Variants in FAF2 observed in about 807,000 individuals in gnomAD.
The protein encoded by FAF2 is FAS-associated factor 2.
FAF2 carries 9 observed loss-of-function variants against 62.3 expected under a neutral mutation model. The ratio of observed to expected loss-of-function variants is 0.14; its 90% CI spans 0.09 to 0.25. The LOEUF (loss-of-function observed/expected upper bound fraction) is 0.25. Ranked by LOEUF, FAF2 falls within the 10% of genes least tolerant of loss-of-function variation. The pLI is 1.00. For synonymous variants in FAF2, 202 were observed against 198.0 expected, an observed-to-expected ratio of 1.02 and a Z score of -0.17; for missense variants, 368 against 556.2, an observed-to-expected ratio of 0.66 and a Z score of 3.40.
rs115052015 is a variant in FAF2 at position 176,466,775 on chromosome 5, C to T, written c.64-12413C>T. On this transcript the variant is annotated intron_variant, in intron 1 of 10. Coordinates refer to ENST00000261942, the MANE Select transcript of FAF2 (RefSeq NM_014613.3). ...AGTAGTTCACACACTTCTGCAATCT[C>T]CCGTATACATTTTACAAGATGTTTG... Among the ~76,000 whole-genome samples the T allele has an allele frequency of 6.5e-4, 97 of 148,744 alleles. 1 individual carries two copies. Among genetic ancestry groups the T allele is most frequent in the African/African-American group, 2.5e-3 (95 of 38,234 alleles).
At chr5:176,480,830 G>A (rs1429759434) in intron 2 of FAF2, among the ~76,000 whole-genome samples, 27 of 151,600 alleles carry the variant, frequency 1.8e-4, no homozygotes, top group African/African-American at 2.4e-5. Flanking sequence ...CTAGGGGAGG[G>A]ATAGCATTAG....
At position 176,509,885 on chromosome 5, in the gene FAF2, G is replaced by T. The variant is rs930480619; in HGVS notation, c.*2935G>T. On this transcript the variant is annotated 3_prime_UTR_variant, in exon 11 of 11. Coordinates refer to ENST00000261942, the MANE Select transcript of FAF2 (RefSeq NM_014613.3). ...AACAAGGAGCTCCGCTCTACAACTG[G>T]TTTTTTTAGGACTTGTGAGGAACAC... 4 of 152,556 alleles carry T rather than the reference G, an allele frequency of 2.6e-5. No individual in the cohort carries two copies. The highest frequency in any genetic ancestry group is 4.4e-5 in the Non-Finnish European group (3 of 68,024). The allele number at this position is 152,556 out of a possible 1,614,324, so 9.5% of individuals were successfully genotyped here.
chr5:176,448,534 T>A (rs1474755195), intron 1 of FAF2, 64 bp downstream of exon 1: 1 of 1,468,950 alleles, frequency 6.8e-7, no homozygotes, highest in African/African-American at 1.4e-5. Context: ...CCTAGAGGAG[T>A]TCAGAACCCT....
intron 7 of FAF2, among the ~76,000 whole-genome samples, chr5:176,495,177 G>A (rs1424376125): frequency 6.6e-6 from 1 of 152,158 alleles, no homozygotes; most frequent in Admixed American, 6.5e-5. Flanking sequence ...GAGGAAAAAT[G>A]TAGTCATTTT....
rs1755545905 is a variant in FAF2, at chr5:176,498,988, A to G, written c.914A>G (p.Gln305Arg). The change falls in exon 9 of 11, where the codon CAG becomes CGG. Residue 305 changes from glutamine (Q) to arginine (R), a missense_variant. Transcript: ENST00000261942. ...TACCTGGCCTCTCTCAGAGCTGACC[A>G]GGAGAAAGAAAGAAAGAAACGGGAG... ...EAYLASLRAD[Q>R]EKERKKREER... 5 of 1,613,650 alleles carry G rather than the reference A, an allele frequency of 3.1e-6. No homozygotes were observed. In the South Asian group the frequency reaches 3.3e-5, roughly 11 times the overall value.
chr5:176,505,539 T>C (rs532704341), intron 10 of FAF2, among the ~76,000 whole-genome samples: 26 of 152,260 alleles, frequency 1.7e-4, no homozygotes, highest in Admixed American at 7.9e-4. Context: ...TAGTGGTGAT[T>C]TGTGAGATTT....
At chr5:176,458,418 T>TTTTTTC (rs1758316303) in intron 1 of FAF2, among the ~76,000 whole-genome samples, 2 of 129,026 alleles carry the variant, frequency 1.6e-5, no homozygotes, top group African/African-American at 6.3e-5. Context: ...CTTTTTTTTT[T>TTTTTTC]TTTTTTTTTG....
intron 10 of FAF2, among the ~76,000 whole-genome samples, chr5:176,502,916 C>T (rs1413030978): frequency 6.6e-6 from 1 of 151,708 alleles, no homozygotes; most frequent in African/African-American, 2.4e-5. Flanking sequence ...GGTGTGGTGG[C>T]GAGTGCCAGT....
chr5:176,498,529 A>T (rs1044319778), intron 8 of FAF2, among the ~76,000 whole-genome samples: 3 of 152,222 alleles, frequency 2.0e-5, no homozygotes, highest in African/African-American at 7.2e-5. Context: ...GTATGGATAT[A>T]TATGTGTGTG....
chr5:176,479,161 G>A (rs1371436279), intron 1 of FAF2, 27 bp from the exon 2 acceptor site: 1 of 1,605,882 alleles, frequency 6.2e-7, no homozygotes, highest in Non-Finnish European at 8.5e-7. Context: ...TTTTCTCTAA[G>A]TAACTTGTTT....
At chr5:176,504,224 C>A (rs1389811007) in intron 10 of FAF2, among the ~76,000 whole-genome samples, 1 of 151,902 alleles carries the variant, frequency 6.6e-6, no homozygotes, top group African/African-American at 2.4e-5. Context: ...GCCTCTAATC[C>A]CAGGACTTTG....
chr5:176,468,875 A>T (rs559068876), intron 1 of FAF2, among the ~76,000 whole-genome samples: 1 of 152,014 alleles, frequency 6.6e-6, no homozygotes, highest in Non-Finnish European at 1.5e-5. Flanking sequence ...GCCCAGGAGC[A>T]GATGGTTACA....
intron 10 of FAF2, among the ~76,000 whole-genome samples, chr5:176,504,898 G>C (rs560769713): frequency 6.6e-6 from 1 of 151,800 alleles, no homozygotes; most frequent in South Asian, 2.1e-4. Flanking sequence ...TGTTGGACAT[G>C]TGTTATCCCA....
intron 9 of FAF2, 150 bp downstream of exon 9, chr5:176,499,235 A>C: frequency 6.2e-6 from 4 of 649,576 alleles, no homozygotes; most frequent in Non-Finnish European, 9.3e-6. Flanking sequence ...AAATTACAAC[A>C]TGTTGGAATT....
At chr5:176,481,348 G>GT (rs912829554) in intron 2 of FAF2, among the ~76,000 whole-genome samples, 5 of 152,048 alleles carry the variant, frequency 3.3e-5, no homozygotes, top group African/African-American at 9.7e-5. Context: ...ACCTGGCCTT[G>GT]TTTTTTTCTT....
chr5:176,486,618 C>T lies in FAF2; in HGVS notation c.267+129C>T, dbSNP rs1006551814. 11 of 887,532 alleles carry T rather than the reference C, an allele frequency of 1.2e-5. No homozygotes were observed. In the Admixed American group the frequency reaches 1.8e-4, roughly 15 times the overall value. The allele number at this position is 887,532 out of a possible 1,614,324, so 55.0% of individuals were successfully genotyped here. Reference sequence around the variant, plus strand: ...GTAAACCTGTTAGTTAGACTTGGCCCGTTGGGTGTATTATTTTGCCTTGAT... The same window carrying T: ...GTAAACCTGTTAGTTAGACTTGGCCTGTTGGGTGTATTATTTTGCCTTGAT... On this transcript the variant is annotated intron_variant, in intron 3 of 10. Coordinates refer to ENST00000261942, the MANE Select transcript of FAF2 (RefSeq NM_014613.3).
intron 10 of FAF2, among the ~76,000 whole-genome samples, chr5:176,502,347 G>A (rs1241058701): frequency 6.6e-6 from 1 of 152,106 alleles, no homozygotes; most frequent in African/African-American, 2.4e-5. Flanking sequence ...TTGGGAGGCC[G>A]AGGCAGGCGG....
At position 176,486,292 on chromosome 5, in the gene FAF2, A is replaced by T. The variant is rs978325866; in HGVS notation, c.133-63A>T. On this transcript the variant is annotated intron_variant, in intron 2 of 10. Coordinates refer to ENST00000261942, the MANE Select transcript of FAF2 (RefSeq NM_014613.3). ...TGGAATACCACGCAATAGTTGCCTC[A>T]CCTCTTGTTGTTGGTTGATTTGAGC... 72 of 1,599,428 alleles carry T rather than the reference A, an allele frequency of 4.5e-5. No homozygotes were observed. In the South Asian group the frequency reaches 7.7e-4, roughly 17 times the overall value.
At chr5:176,480,919 G>A (rs1229931945) in intron 2 of FAF2, among the ~76,000 whole-genome samples, 1 of 151,806 alleles carries the variant, frequency 6.6e-6, no homozygotes, top group Non-Finnish European at 1.5e-5. Context: ...TAACAAACCT[G>A]CACATTCCGT....
Sources: gnomAD v4.1 joint callset for allele counts (sites outside exome capture counted in the v4.1 genomes callset) on GRCh38, gnomAD v4.1.1 for gene constraint, MANE v1.5 for transcripts, NCBI Gene and HGNC (gene_info 2026-07-23, HGNC 2026-07-21) for gene names.